The following CEP85 variants were observed in gnomAD, a reference collection of about 807,000 sequenced individuals.
CEP85 encodes centrosomal protein of 85 kDa.
In CEP85, 58 loss-of-function variants were observed where a neutral mutation model predicts 93.7. The observed-to-expected ratio is 0.62, with a 90% CI of 0.50 to 0.77. The LOEUF (loss-of-function observed/expected upper bound fraction) is 0.77, where lower values mean the gene tolerates loss of function less well. Among genes scored for constraint, CEP85 ranks in the 30% least tolerant of loss-of-function variants. The pLI is 0.00. For synonymous variants in CEP85, 314 were observed against 338.6 expected, an observed-to-expected ratio of 0.93 and a Z score of 0.80; for missense variants, 868 against 922.0, an observed-to-expected ratio of 0.94 and a Z score of 0.76.
intron 7 of CEP85, among the ~76,000 whole-genome samples, chr1:26,261,128 ATGT>A (rs2089801096): frequency 6.6e-6 from 1 of 151,740 alleles, no homozygotes; most frequent in East Asian, 1.9e-4. Flanking sequence ...GGTGATGCTG[ATGT>A]TGTTGGTACT....
chr1:26,260,069 G>C lies in CEP85; in HGVS notation c.1341+267G>C, dbSNP rs577483964. On this transcript the variant is annotated intron_variant, in intron 7 of 13. Transcript: ENST00000451429. ...ACTGTCCCAGGTTGTGCTGTGCAAT[G>C]TACCACCAGCTGGTCTGGGTAGAAA... is the stretch of plus-strand genomic sequence containing the variant. 2.0e-5 allele frequency among the ~76,000 whole-genome samples: 3 copies of C among 152,318 alleles called. No individual in the cohort carries two copies. The South Asian group carries it at 6.2e-4, about 32-fold the overall frequency.
At chr1:26,252,671 T>C (rs1046949537) in intron 3 of CEP85, among the ~76,000 whole-genome samples, 4 of 152,238 alleles carry the variant, frequency 2.6e-5, no homozygotes, top group Non-Finnish European at 5.9e-5. Flanking sequence ...GAGAAATTTC[T>C]TTCTTGGTCC....
intron 1 of CEP85, among the ~76,000 whole-genome samples, chr1:26,236,547 T>TGA (rs1365300792): frequency 6.6e-6 from 1 of 152,238 alleles, no homozygotes; most frequent in African/African-American, 2.4e-5. Flanking sequence ...CAGTAGCTCA[T>TGA]CTAATTCTTA....
At chr1:26,264,980 C>CTTTTT (rs766050519) in intron 7 of CEP85, among the ~76,000 whole-genome samples, 4 of 92,898 alleles carry the variant, frequency 4.3e-5, no homozygotes, top group Non-Finnish European at 6.1e-5. Context: ...CCACACCCGG[C>CTTTTT]TTTTTTTTTT....
chr1:26,248,148 G>A (rs1447599350), intron 3 of CEP85, among the ~76,000 whole-genome samples: 1 of 152,134 alleles, frequency 6.6e-6, no homozygotes, highest in Non-Finnish European at 1.5e-5. Context: ...TCATACAGCT[G>A]GTTATCAGAT....
At position 26,278,554 on chromosome 1, in the gene CEP85, G is replaced by C. The variant is rs1338309014; in HGVS notation, c.*1261G>C. Reference sequence around the variant, plus strand: ...CTTTCTTAAGTGTTTTTACAAGTTTGTGTTTTATTTATGGAGTGACTTATC... The same window carrying C: ...CTTTCTTAAGTGTTTTTACAAGTTTCTGTTTTATTTATGGAGTGACTTATC... On this transcript the variant is annotated 3_prime_UTR_variant, in exon 14 of 14. Coordinates refer to ENST00000451429, the MANE Select transcript of CEP85 (RefSeq NM_001319944.2). The C allele has an allele frequency of 6.6e-6, 1 of 152,600 alleles. No homozygotes were observed. The highest frequency in any genetic ancestry group is 2.4e-5 in the African/African-American group (1 of 41,432). The allele number at this position is 152,600 out of a possible 1,614,324, so 9.5% of individuals were successfully genotyped here. A position where few individuals can be genotyped will look rare whatever the true frequency, so the allele number is the denominator to read the frequency against.
At chr1:26,244,099 A>G (rs1223836005) in intron 2 of CEP85, 67 bp from the exon 3 acceptor site, 5 of 1,460,612 alleles carry the variant, frequency 3.4e-6, no homozygotes, top group South Asian at 1.3e-5. Context: ...GTGATTTTTT[A>G]AAAAAAGATC....
At chr1:26,266,533 T>C (rs1031408615) in intron 7 of CEP85, among the ~76,000 whole-genome samples, 7 of 152,240 alleles carry the variant, frequency 4.6e-5, no homozygotes, top group African/African-American at 1.7e-4. Flanking sequence ...TTCAGTAAGC[T>C]TCCCAGGTGA....
Position 26,271,021 on chromosome 1 carries a change from G to A in CEP85, c.1657G>A (p.Asp553Asn). 6.2e-7 allele frequency: 1 copy of A among 1,610,010 alleles called. No homozygotes were observed. Among genetic ancestry groups the A allele is most frequent in the Non-Finnish European group, 8.5e-7 (1 of 1,176,410 alleles). The change falls in exon 10 of 14, where the codon GAT (aspartate) becomes AAT (asparagine). Residue 553 changes from aspartate (D) to asparagine (N), a missense_variant. Asp to Asn is a conservative substitution (Grantham distance 23). Transcript: ENST00000451429. Reference sequence around the variant, plus strand: ...GAGGCCACTGTCTTTCAGCCTGCAAGATAAACAGTCTGTGGAGGAGACCAG... The same window carrying A: ...GAGGCCACTGTCTTTCAGCCTGCAAAATAAACAGTCTGTGGAGGAGACCAG... ...EFSSAGHSLQ[D>N]KQSVEETSGE... is the part of the protein sequence containing the mutation.
chr1:26,256,270 G>C (rs941264840), intron 4 of CEP85, among the ~76,000 whole-genome samples: 3 of 152,150 alleles, frequency 2.0e-5, no homozygotes, highest in Non-Finnish European at 4.4e-5. Flanking sequence ...CATCTTTGAG[G>C]CCAGGTGGCT....
intron 9 of CEP85, among the ~76,000 whole-genome samples, 172 bp from the exon 10 acceptor site, chr1:26,270,842 C>T (rs556533102): frequency 6.6e-6 from 1 of 152,198 alleles, no homozygotes; most frequent in Non-Finnish European, 1.5e-5. Flanking sequence ...AATTAACATA[C>T]ACTGAGCAGC....
chr1:26,239,922 A>G, intron 2 of CEP85, 84 bp downstream of exon 2: 1 of 1,008,746 alleles, frequency 9.9e-7, no homozygotes, highest in Non-Finnish European at 1.6e-6. Context: ...TGAACAAACA[A>G]GCATTCACTG....
chr1:26,263,171 T>C (rs979049380), intron 7 of CEP85: 2 of 249,380 alleles, frequency 8.0e-6, no homozygotes, highest in South Asian at 6.0e-5. Flanking sequence ...AAGTGCTCCA[T>C]CATGCTTTCA....
chr1:26,253,068 A>G (rs866340024), intron 3 of CEP85, among the ~76,000 whole-genome samples: 6 of 152,124 alleles, frequency 3.9e-5, no homozygotes, highest in Admixed American at 2.0e-4. Context: ...CAAGTGACAC[A>G]ATTGACATCT....
At chr1:26,269,904 A>G (rs560550109) in intron 9 of CEP85, among the ~76,000 whole-genome samples, 203 of 145,698 alleles carry the variant, frequency 1.4e-3, no homozygotes, top group Non-Finnish European at 2.1e-3. Flanking sequence ...CTCCTGCCTC[A>G]GCCTCCTGAG....
At position 26,239,246 on chromosome 1, in the gene CEP85, G is replaced by A. The variant is rs556418942; in HGVS notation, c.-22-516G>A. On this transcript the variant is annotated intron_variant, in intron 1 of 13. Coordinates refer to ENST00000451429, the MANE Select transcript of CEP85 (RefSeq NM_001319944.2). Reference sequence around the variant, plus strand: ...GATTTGGGAAGAGAAGTAGAGTGGAGTATTGGGATTTACTTTGTCTTAAAA... The same window carrying A: ...GATTTGGGAAGAGAAGTAGAGTGGAATATTGGGATTTACTTTGTCTTAAAA... Among the ~76,000 whole-genome samples, 6 of 152,302 alleles carry A rather than the reference G, an allele frequency of 3.9e-5. No homozygotes were observed. The East Asian group carries it at 1.2e-3, about 29-fold the overall frequency.
At chr1:26,272,753 C>T (rs566350639) in intron 11 of CEP85, among the ~76,000 whole-genome samples, 3 of 151,540 alleles carry the variant, frequency 2.0e-5, no homozygotes, top group East Asian at 1.9e-4. Context: ...CTCAGCCTCC[C>T]GAGTAGCTGG....
chr1:26,259,304 TAAG>T (rs2089770196), intron 6 of CEP85, among the ~76,000 whole-genome samples: 1 of 152,214 alleles, frequency 6.6e-6, no homozygotes, highest in South Asian at 2.1e-4. Flanking sequence ...GGTATTGCTT[TAAG>T]GCAGTGGTTC....
At chr1:26,267,866 A>G (rs2089915293) in intron 7 of CEP85, among the ~76,000 whole-genome samples, 1 of 152,088 alleles carries the variant, frequency 6.6e-6, no homozygotes, top group African/African-American at 2.4e-5. Flanking sequence ...GAGTCATAGT[A>G]TTGGCATAAA....
Sources: gnomAD v4.1 joint callset for allele counts (sites outside exome capture counted in the v4.1 genomes callset) on GRCh38, gnomAD v4.1.1 for gene constraint, MANE v1.5 for transcripts, NCBI Gene and HGNC (gene_info 2026-07-23, HGNC 2026-07-21) for gene names.